The following PSG11 variants were observed in gnomAD, a reference collection of about 807,000 sequenced individuals.
PSG11 encodes the protein pregnancy-specific beta-1-glycoprotein 11.
Under a neutral mutation model 36.0 loss-of-function variants are expected in PSG11, and 42 were observed. The observed-to-expected ratio is 1.17, with a 90% CI of 0.91 to 1.51. The LOEUF (loss-of-function observed/expected upper bound fraction) is 1.51. Among genes scored for constraint, PSG11 ranks in the 40% most tolerant of loss-of-function variants. The pLI is 0.00. For synonymous variants in PSG11, 206 were observed against 153.5 expected, an observed-to-expected ratio of 1.34 and a Z score of -2.53; for missense variants, 558 against 403.5, an observed-to-expected ratio of 1.38 and a Z score of -3.28.
At chr19:43,016,296 A>T (rs1236362955) in intron 3 of PSG11, among the ~76,000 whole-genome samples, 1 of 151,356 alleles carries the variant, frequency 6.6e-6, no homozygotes, top group Non-Finnish European at 1.5e-5. Flanking sequence ...GGTCATGGAC[A>T]GATACGTCAG....
At chr19:43,014,859 A>T in intron 4 of PSG11, 1 of 1,359,054 alleles carries the variant, frequency 7.4e-7, no homozygotes, top group Non-Finnish European at 9.8e-7. Flanking sequence ...AGCCTCTTCT[A>T]CCACATAGGG....
At position 43,012,738 on chromosome 19, in the gene PSG11, A is replaced by G. The variant is rs564600101; in HGVS notation, c.964+2378T>C. Among the ~76,000 whole-genome samples the G allele has an allele frequency of 9.2e-5, 14 of 151,596 alleles. No individual in the cohort carries two copies. In the South Asian group the frequency reaches 2.5e-3, roughly 27 times the overall value. On this transcript the variant is annotated intron_variant, in intron 4 of 5. Coordinates refer to ENST00000320078, the MANE Select transcript of PSG11 (RefSeq NM_002785.3). Reference sequence around the variant, plus strand: ...CAAAGTGAGCTGTGGATTCAATGCAATTCCTTCAGAATCTCAGTGACATTT... The same window carrying G: ...CAAAGTGAGCTGTGGATTCAATGCAGTTCCTTCAGAATCTCAGTGACATTT...
Position 43,026,217 on chromosome 19 carries a change from T to C in PSG11, c.64+92A>G, listed in dbSNP as rs1375121219. ...CAGCCTCCCTAAATGCTGGCTTTTT[T>C]ATTTTTTAGAACCCCAGGAGCCTCT... On this transcript the variant is annotated intron_variant, in intron 1 of 5. Transcript: ENST00000320078. 285 of 1,568,534 alleles carry C rather than the reference T, an allele frequency of 1.8e-4. 3 individuals carry two copies. In the African/African-American group the frequency reaches 3.6e-3, roughly 20 times the overall value.
intron 2 of PSG11, 58 bp from the exon 3 acceptor site, chr19:43,019,106 C>G: frequency 6.3e-7 from 1 of 1,579,176 alleles, no homozygotes; most frequent in East Asian, 2.2e-5. Flanking sequence ...CCTCCAAAGG[C>G]ATTTTTCAAT....
At chr19:43,021,795 A>G (rs1967107748) in intron 2 of PSG11, among the ~76,000 whole-genome samples, 1 of 151,496 alleles carries the variant, frequency 6.6e-6, no homozygotes, top group African/African-American at 2.4e-5. Context: ...TAAGCTCCAT[A>G]GCACGTTGAC....
chr19:43,024,849 T>C lies in PSG11; in HGVS notation c.272A>G (p.Tyr91Cys), dbSNP rs772422799. The C allele has an allele frequency of 6.2e-7, 1 of 1,611,912 alleles. No individual in the cohort carries two copies. The highest frequency in any genetic ancestry group is 1.1e-5 in the South Asian group (1 of 90,820). Reference sequence around the variant, plus strand: ...TTCTCGTCCACTGTATGCCGGTCCATATATAATTATTTGACCGTCTACTAC... The same window carrying C: ...TTCTCGTCCACTGTATGCCGGTCCACATATAATTATTTGACCGTCTACTAC... The part of the protein sequence containing the change: ...SYVVDGQIII[Y>C]GPAYSGRETV... Residue 91 changes from tyrosine to cysteine, a missense_variant, in exon 2 of 6, where the codon TAT becomes TGT. Transcript: ENST00000320078.
At chr19:43,011,222 T>G (rs1331944121) in intron 4 of PSG11, among the ~76,000 whole-genome samples, 2 of 151,170 alleles carry the variant, frequency 1.3e-5, no homozygotes, top group African/African-American at 4.9e-5. Context: ...GCATGAAACC[T>G]TTAAAAGAAT....
intron 4 of PSG11, chr19:43,010,333 G>A (rs946903018): frequency 1.1e-5 from 17 of 1,515,218 alleles, no homozygotes; most frequent in Non-Finnish European, 1.5e-5. Context: ...ATTGGAACTT[G>A]TCACCTTTGC....
intron 3 of PSG11, among the ~76,000 whole-genome samples, chr19:43,016,783 T>C (rs1966977894): frequency 6.6e-6 from 1 of 151,496 alleles, no homozygotes; most frequent in Non-Finnish European, 1.5e-5. Context: ...CTGTCCTGGG[T>C]CCTTTAAGTT....
At chr19:43,010,181 G>A in intron 4 of PSG11, 140 bp from the exon 5 acceptor site, 2 of 1,460,394 alleles carry the variant, frequency 1.4e-6, no homozygotes, top group South Asian at 1.5e-5. Flanking sequence ...AAATTGATGG[G>A]AGATGATTAT....
chr19:43,015,445 C>G, intron 3 of PSG11, 75 bp from the exon 4 acceptor site: 1 of 1,503,416 alleles, frequency 6.7e-7, no homozygotes, highest in Non-Finnish European at 9.0e-7. Context: ...TAAAGGGACA[C>G]AGTGACCCTC....
chr19:43,023,430 G>A (rs1481967808), intron 2 of PSG11, among the ~76,000 whole-genome samples: 2 of 150,958 alleles, frequency 1.3e-5, no homozygotes, highest in Non-Finnish European at 3.0e-5. Flanking sequence ...CAGTGACATG[G>A]ACACTTTGGG....
Position 43,020,096 on chromosome 19 carries a change from A to G in PSG11, c.431-1048T>C, listed in dbSNP as rs1366059567. On this transcript the variant is annotated intron_variant, in intron 2 of 5. Coordinates refer to ENST00000320078, the MANE Select transcript of PSG11 (RefSeq NM_002785.3). Reference sequence around the variant, plus strand: ...ATAGTAGTTTCCAGGAGCTGGGATCAGGGGAATTGGGTGTTGTTCCGTGGG... The same window carrying G: ...ATAGTAGTTTCCAGGAGCTGGGATCGGGGGAATTGGGTGTTGTTCCGTGGG... 1.3e-5 allele frequency among the ~76,000 whole-genome samples: 2 copies of G among 151,450 alleles called. 1 individual carries two copies. The highest frequency in any genetic ancestry group is 2.9e-5 in the Non-Finnish European group (2 of 67,882).
At position 43,026,426 on chromosome 19, in the gene PSG11, G is replaced by T. The variant is rs759608370; in HGVS notation, c.-54C>A. 2 of 1,596,170 alleles carry T rather than the reference G, an allele frequency of 1.3e-6. No homozygotes were observed. The highest frequency in any genetic ancestry group is 1.4e-5 in the African/African-American group (1 of 73,742). On this transcript the variant is annotated 5_prime_UTR_variant, in exon 1 of 6. Coordinates refer to ENST00000320078, the MANE Select transcript of PSG11 (RefSeq NM_002785.3). ...GTGGAGATGAGCCTAGGATCCAGAAGCTTCCAGAGCACGGCTGTCAGCTGT... is the reference window on the plus strand; with the variant it reads ...GTGGAGATGAGCCTAGGATCCAGAATCTTCCAGAGCACGGCTGTCAGCTGT...
rs201035728 is a variant in PSG11, at chr19:43,020,496, C to CA, written c.431-1449dup. 5.3e-4 allele frequency among the ~76,000 whole-genome samples: 78 copies of CA among 146,704 alleles called. 5 individuals carry two copies. Among genetic ancestry groups the CA allele is most frequent in the Middle Eastern group, 7.0e-3 (2 of 286 alleles). ...TCATGTTGTGTTCTGACTCTAGTAA[C>CA]AAAAAAAAAATTTGGAGGAAACATT... On this transcript the variant is annotated intron_variant, in intron 2 of 5. Coordinates refer to ENST00000320078, the MANE Select transcript of PSG11 (RefSeq NM_002785.3).
intron 4 of PSG11, chr19:43,010,412 T>C: frequency 1.3e-6 from 2 of 1,539,680 alleles, no homozygotes; most frequent in Admixed American, 1.9e-5. Context: ...CTCTGTCAGA[T>C]CTCCATGGCA....
chr19:43,015,715 T>A (rs986662803), intron 3 of PSG11: 15 of 1,600,250 alleles, frequency 9.4e-6, no homozygotes, highest in Admixed American at 1.7e-5. Flanking sequence ...GCCTGGCCCC[T>A]GGTCGTTTGG....
chr19:43,010,370 C>G, intron 4 of PSG11: 1 of 1,533,736 alleles, frequency 6.5e-7, no homozygotes, highest in Admixed American at 2.2e-5. Flanking sequence ...ATCTTTTTCT[C>G]AGTGTCTCTG....
intron 5 of PSG11, among the ~76,000 whole-genome samples, chr19:43,008,515 A>T (rs907449922): frequency 9.9e-5 from 15 of 151,234 alleles, no homozygotes; most frequent in African/African-American, 3.7e-4. Context: ...TGACCTTATG[A>T]TCCACCCACC....
Sources: allele counts gnomAD v4.1 joint callset (sites outside exome capture counted in the v4.1 genomes callset), GRCh38; gene constraint gnomAD v4.1.1; transcripts MANE v1.5; gene names NCBI Gene and HGNC (gene_info 2026-07-23, HGNC 2026-07-21).